The following TSC2 variants were observed in gnomAD, a reference collection of about 807,000 sequenced individuals.
The protein encoded by TSC2 is tuberin.
TSC2 carries 29 observed loss-of-function variants against 202.2 expected under a neutral mutation model. That is an observed-to-expected ratio of 0.14 (90% CI 0.11 to 0.20). The LOEUF is 0.20. TSC2 is among the 10% of genes least tolerant of loss of function. TSC2 has a pLI of 1.00. For missense variants in TSC2, 2,429 were observed against 2,420.0 expected, an observed-to-expected ratio of 1.00 and a Z score of -0.08; for synonymous variants, 1,349 against 1,044.0, an observed-to-expected ratio of 1.29 and a Z score of -5.63.
intron 6 of TSC2, 194 bp from the exon 7 acceptor site, chr16:2,055,998 TCTCA>T: frequency 1.5e-6 from 1 of 679,286 alleles, no homozygotes; most frequent in Non-Finnish European, 2.7e-6. Context: ...ATGAGCTCTG[TCTCA>T]CTCATGCTGA....
chr16:2,088,868 C>T lies in TSC2; in HGVS notation c.*258C>T, dbSNP rs13332377. ...CTGCCTGGGCCATACAGCACACTCG[C>T]GCGTGCGCGCGCGCACACACACACA... On this transcript the variant is annotated 3_prime_UTR_variant, in exon 42 of 42. Transcript: ENST00000219476. 67,261 of 521,830 alleles carry T rather than the reference C, an allele frequency of 0.13. 7,701 individuals are homozygous for T. The highest frequency in any genetic ancestry group is 0.46 in the African/African-American group (22,716 of 49,202). The allele number at this position is 521,830 out of a possible 1,614,324, so 32.3% of individuals were successfully genotyped here. A position where few individuals can be genotyped will look rare whatever the true frequency, so the allele number is the denominator to read the frequency against.
intron 10 of TSC2, among the ~76,000 whole-genome samples, chr16:2,059,112 G>A (rs2086288351): frequency 6.7e-6 from 1 of 149,684 alleles, no homozygotes; most frequent in Admixed American, 6.8e-5. Context: ...TCCGCCTCCC[G>A]GATTCAAGTG....
intron 9 of TSC2, among the ~76,000 whole-genome samples, chr16:2,057,486 G>A (rs1218468190): frequency 6.6e-6 from 1 of 152,088 alleles, no homozygotes; most frequent in Non-Finnish European, 1.5e-5. Flanking sequence ...GCTTGACGTT[G>A]CCCTTGCCCT....
At chr16:2,069,313 T>C (rs1377817819) in intron 16 of TSC2, among the ~76,000 whole-genome samples, 1 of 152,152 alleles carries the variant, frequency 6.6e-6, no homozygotes, top group East Asian at 1.9e-4. Context: ...AAACTGTTAA[T>C]CATTTAATCA....
intron 11 of TSC2, chr16:2,061,233 G>A: frequency 6.3e-6 from 2 of 317,642 alleles, no homozygotes; most frequent in South Asian, 2.8e-5. Context: ...GGGCTCATCA[G>A]CATAGGGGCC....
chr16:2,073,967 G>A (rs556047751), intron 21 of TSC2, among the ~76,000 whole-genome samples: 1 of 152,400 alleles, frequency 6.6e-6, no homozygotes, highest in East Asian at 1.9e-4. Flanking sequence ...TGAGAGCCCA[G>A]CATGTCTGGG....
Position 2,088,261 on chromosome 16 carries a change from C to T in TSC2, c.5195C>T (p.Pro1732Leu), listed in dbSNP as rs1446388626. 1.9e-6 allele frequency: 3 copies of T among 1,613,014 alleles called. No homozygotes were observed. The highest frequency in any genetic ancestry group is 1.3e-5 in the African/African-American group (1 of 74,924). The change falls in exon 41 of 42, where the codon CCC becomes CTC. Residue 1732 changes from proline (P) to leucine (L), a missense_variant. Transcript: ENST00000219476. ...ASQVHHSRSN[P>L]TDIYPSKWIA... ...CAGGTGCATCATAGCCGCTCCAACC[C>T]CACCGATATCTACCCCTCCAAGTGG...
intron 2 of TSC2, among the ~76,000 whole-genome samples, chr16:2,049,087 T>C (rs774933993): frequency 6.7e-6 from 1 of 150,360 alleles, no homozygotes; most frequent in Non-Finnish European, 1.5e-5. Context: ...GTAGGTTCTT[T>C]ATTTTATTTT....
At chr16:2,070,615 G>A (rs773958843) in intron 17 of TSC2, 37 bp downstream of exon 17, 11 of 1,612,222 alleles carry the variant, frequency 6.8e-6, no homozygotes, top group African/African-American at 5.3e-5. Context: ...GTTCCTGGGG[G>A]CCCAGCCAGG....
At position 2,088,617 on chromosome 16, in the gene TSC2, GGCCCTCCCTCCT is replaced by G. The variant is rs757824592; in HGVS notation, c.*10_*21del. On this transcript the variant is annotated 3_prime_UTR_variant, in exon 42 of 42. Coordinates refer to ENST00000219476, the MANE Select transcript of TSC2 (RefSeq NM_000548.5). ...CTTCACCGAGTTTGTGTGAGGCCGG[GGCCCTCCCTCCT>G]GCACTGGCCTTGGACGGTATTGCCT... is the stretch of plus-strand genomic sequence containing the variant. 3.1e-6 allele frequency: 5 copies of G among 1,599,960 alleles called. No homozygotes were observed. The African/African-American group carries it at 6.7e-5, about 21-fold the overall frequency.
intron 17 of TSC2, 130 bp from the exon 18 acceptor site, chr16:2,071,380 T>C (rs547999397): frequency 2.2e-5 from 18 of 834,480 alleles, no homozygotes; most frequent in South Asian, 1.9e-4. Context: ...GGGATGTGGG[T>C]GTGTGCACAT....
At position 2,088,325 on chromosome 16, in the gene TSC2, G is replaced by A. The variant is rs1060500945; in HGVS notation, c.5259G>A (p.Arg1753=). 2.5e-6 allele frequency: 4 copies of A among 1,612,646 alleles called. No homozygotes were observed. Among genetic ancestry groups the A allele is most frequent in the Non-Finnish European group, 2.5e-6 (3 of 1,179,992 alleles). ...RLRHIKRLRQ[R]ICEEAAYSNP... is the part of the protein sequence containing the mutation. Reference sequence around the variant, plus strand: ...GCCACATCAAGCGGCTCCGCCAGCGGGTAGGGAATATGGGGCTCCCTCAGC... The same window carrying A: ...GCCACATCAAGCGGCTCCGCCAGCGAGTAGGGAATATGGGGCTCCCTCAGC... The change falls in exon 41 of 42, where the codon CGG becomes CGA. Residue 1753 remains arginine, a splice_region_variant and synonymous_variant. Coordinates refer to ENST00000219476, the MANE Select transcript of TSC2 (RefSeq NM_000548.5).
At position 2,087,857 on chromosome 16, in the gene TSC2, G is replaced by T. The variant is rs137853987; in HGVS notation, c.4990-6G>T. On this transcript the variant is annotated splice_polypyrimidine_tract_variant and splice_region_variant and intron_variant, in intron 38 of 41. Transcript: ENST00000219476. ...GCGGGGATGACCCTTTCTCTTGTCC[G>T]GGCAGGGCCAGTTCAACTTTGTCCA... 1 of 1,612,254 alleles carries T rather than the reference G, an allele frequency of 6.2e-7. No homozygotes were observed. The highest frequency in any genetic ancestry group is 8.5e-7 in the Non-Finnish European group (1 of 1,179,896).
chr16:2,062,270 G>T (rs968773982), intron 12 of TSC2, among the ~76,000 whole-genome samples: 4 of 152,212 alleles, frequency 2.6e-5, no homozygotes, highest in African/African-American at 9.6e-5. Flanking sequence ...GCTCCCAGGC[G>T]GCCGCAGTCA....
Position 2,079,694 on chromosome 16 carries a change from C to T in TSC2, c.3397+25C>T. 5 of 1,555,802 alleles carry T rather than the reference C, an allele frequency of 3.2e-6. No homozygotes were observed. The highest frequency in any genetic ancestry group is 4.3e-6 in the Non-Finnish European group (5 of 1,150,462). On this transcript the variant is annotated intron_variant, in intron 29 of 41. Transcript: ENST00000219476. The surrounding 1 kb of genome is among the most constrained non-coding windows in gnomAD (Gnocchi z 4.6). ...GGTGAGCCTTGGCCCCAGCCACCTCCACACAGGCACCGGGGCTCCCTCAGT... is the reference window on the plus strand; with the variant it reads ...GGTGAGCCTTGGCCCCAGCCACCTCTACACAGGCACCGGGGCTCCCTCAGT...
Position 2,048,267 on chromosome 16 carries a change from C to T in TSC2, c.-30+202C>T, listed in dbSNP as rs1013080324. The T allele has an allele frequency of 2.4e-6, 3 of 1,249,326 alleles. No individual in the cohort carries two copies. The highest frequency in any genetic ancestry group is 3.4e-6 in the Non-Finnish European group (3 of 871,636). The allele number at this position is 1,249,326 out of a possible 1,614,324, so 77.4% of individuals were successfully genotyped here. On this transcript the variant is annotated intron_variant, in intron 1 of 41. Coordinates refer to ENST00000219476, the MANE Select transcript of TSC2 (RefSeq NM_000548.5). The stretch of plus-strand genomic sequence containing the variant: ...GGCGGCTCCGTGACAGCTCCTGCTT[C>T]ACATGGGTAGAGGAGAGACGGCAAA...
chr16:2,085,076 T>C lies in TSC2; in HGVS notation c.4569+50T>C, dbSNP rs45482792. ...ATCCGCTGGAGCTGTGTGGCTCGGG[T>C]GAATGGTGGGGGGCCCAGCTCTGCT... On this transcript the variant is annotated intron_variant, in intron 35 of 41. Coordinates refer to ENST00000219476, the MANE Select transcript of TSC2 (RefSeq NM_000548.5). 3.7e-6 allele frequency: 6 copies of C among 1,609,758 alleles called. No individual in the cohort carries two copies. In the East Asian group the frequency reaches 1.3e-4, roughly 36 times the overall value.
chr16:2,074,577 C>T, intron 22 of TSC2, 188 bp downstream of exon 22: 3 of 688,898 alleles, frequency 4.4e-6, no homozygotes, highest in East Asian at 2.7e-5. Flanking sequence ...AGGGGCGGCT[C>T]CTCTCACCCC....
chr16:2,062,247 G>A (rs965668719), intron 12 of TSC2, among the ~76,000 whole-genome samples: 8 of 152,244 alleles, frequency 5.3e-5, no homozygotes, highest in African/African-American at 1.9e-4. Flanking sequence ...ATCCGGCTCT[G>A]TAGAGTCCTG....
Sources: allele counts gnomAD v4.1 joint callset (sites outside exome capture counted in the v4.1 genomes callset), GRCh38; gene constraint gnomAD v4.1.1; non-coding constraint Gnocchi (gnomAD v3.1); transcripts MANE v1.5; gene names NCBI Gene and HGNC (gene_info 2026-07-23, HGNC 2026-07-21).